NBN: variants seen among roughly 807,000 people sequenced by gnomAD.
NBN encodes the protein nibrin.
NBN carries 88 observed loss-of-function variants against 90.8 expected under a neutral mutation model. That is an observed-to-expected ratio of 0.97 (90% confidence interval 0.82 to 1.16). NBN has a LOEUF of 1.16. Ranked by LOEUF, NBN falls within the 50% of genes most tolerant of loss-of-function variation. NBN has a pLI of 0.00. For missense variants in NBN, 894 were observed against 869.6 expected (o/e 1.03, Z -0.35); for synonymous variants, 328 against 295.1 (o/e 1.11, Z -1.14).
At chr8:89,945,670 G>A (rs1420703582) in intron 13 of NBN, among the ~76,000 whole-genome samples, 2 of 152,090 alleles carry the variant, frequency 1.3e-5, no homozygotes, top group Non-Finnish European at 2.9e-5. Context: ...GTTCCTTAAT[G>A]AGCAGAAACT....
intron 9 of NBN, among the ~76,000 whole-genome samples, chr8:89,957,389 C>T (rs1018187169): frequency 2.0e-5 from 3 of 152,158 alleles, no homozygotes; most frequent in African/African-American, 7.2e-5. Context: ...TATTTTTGCA[C>T]AGCTATACAA....
intron 11 of NBN, among the ~76,000 whole-genome samples, chr8:89,950,283 A>ATGCTC: frequency 6.6e-6 from 1 of 152,346 alleles, no homozygotes; most frequent in East Asian, 1.9e-4. Flanking sequence ...CCCTGATAAA[A>ATGCTC]AAAAGCATAA....
At chr8:89,945,994 T>A in intron 13 of NBN, 146 bp downstream of exon 13, 1 of 620,542 alleles carries the variant, frequency 1.6e-6, no homozygotes, top group Admixed American at 2.9e-5. Context: ...TAAGTTCATA[T>A]CCTTCCTAGA....
intron 11 of NBN, among the ~76,000 whole-genome samples, chr8:89,950,954 C>A (rs1810416904): frequency 6.6e-6 from 1 of 151,966 alleles, no homozygotes; most frequent in African/African-American, 2.4e-5. Context: ...CAGACTAAAA[C>A]CACAACCATT....
intron 14 of NBN, among the ~76,000 whole-genome samples, chr8:89,940,194 T>G (rs1264937881): frequency 1.3e-5 from 2 of 152,174 alleles, no homozygotes; most frequent in East Asian, 3.8e-4. Context: ...CAAGCAATCT[T>G]CCCACCTCAG....
At position 89,934,503 on chromosome 8, in the gene NBN, G is replaced by A. The variant is rs1015678984; in HGVS notation, c.*1079C>T. ...GTTAATTTGGTTCTGGCAAGTAGAT[G>A]CACTTCCACAAGATTTGGAAGGTGA... On this transcript the variant is annotated 3_prime_UTR_variant, in exon 16 of 16. Coordinates refer to ENST00000265433, the MANE Select transcript of NBN (RefSeq NM_002485.5). The A allele has an allele frequency of 4.3e-5, 10 of 232,998 alleles. No individual in the cohort carries two copies. Among genetic ancestry groups the A allele is most frequent in the Non-Finnish European group, 5.9e-5 (7 of 117,982 alleles). 14.4% of individuals were successfully genotyped at this position (232,998 alleles called of 1,614,324 possible). A position where few individuals can be genotyped will look rare whatever the true frequency, so the allele number is the denominator to read the frequency against.
chr8:89,958,950 G>T (rs1331099508), intron 8 of NBN, 96 bp from the exon 9 acceptor site: 13 of 1,462,128 alleles, frequency 8.9e-6, no homozygotes, highest in Middle Eastern at 2.0e-4. Flanking sequence ...CATGCTGAGG[G>T]GATTAACTAG....
intron 9 of NBN, among the ~76,000 whole-genome samples, chr8:89,957,129 C>T (rs902066389): frequency 3.9e-5 from 6 of 152,118 alleles, no homozygotes; most frequent in Non-Finnish European, 5.9e-5. Context: ...AAAACAGTCT[C>T]AGGCAGTCCC....
rs76716460 is a variant in NBN, at chr8:89,975,978, G to A, written c.584+2242C>T. Among the ~76,000 whole-genome samples, 105 of 152,222 alleles carry A rather than the reference G, an allele frequency of 6.9e-4. No homozygotes were observed. The East Asian group carries it at 0.016, about 23-fold the overall frequency. On this transcript the variant is annotated intron_variant, in intron 5 of 15. Transcript: ENST00000265433. ...TACTATGCAAGTTTGTAGTTATGTC[G>A]GTGAAGTTTCTTGAGGTGAGATCAG...
intron 5 of NBN, among the ~76,000 whole-genome samples, chr8:89,972,900 G>A (rs1474856274): frequency 6.6e-6 from 1 of 152,180 alleles, no homozygotes; most frequent in Non-Finnish European, 1.5e-5. Flanking sequence ...AAACACTAAA[G>A]TTGAATGATT....
In NBN at chr8:89,953,423, C is replaced by A. The variant is rs771567358; in HGVS notation, c.1666G>T (p.Val556Leu). The A allele has an allele frequency of 6.2e-7, 1 of 1,613,872 alleles. No individual in the cohort carries two copies. Among genetic ancestry groups the A allele is most frequent in the African/African-American group, 1.3e-5 (1 of 75,046 alleles). Reference protein sequence around the residue: ...RSNKKREMDDVAIEDEVLEQL... With the variant: ...RSNKKREMDDLAIEDEVLEQL... Reference sequence around the variant, plus strand: ...TCCAATACTTCATCTTCTATGGCCACATCATCCATTTCCCTTTTTTTATTT... The same window carrying A: ...TCCAATACTTCATCTTCTATGGCCAAATCATCCATTTCCCTTTTTTTATTT... Residue 556 changes from valine (V) to leucine (L), a missense_variant, in exon 11 of 16, where the codon GTG becomes TTG. Val to Leu is a conservative substitution (Grantham distance 32). Transcript: ENST00000265433.
intron 14 of NBN, among the ~76,000 whole-genome samples, chr8:89,940,150 A>G (rs67277238): frequency 0.27 from 41,531 of 152,002 alleles, 5,843 homozygotes; most frequent in East Asian, 0.41. Flanking sequence ...CAGGGGCTCA[A>G]TCATGGCTCA....
At chr8:89,984,141 C>T (rs1315665031) in intron 1 of NBN, 4 of 366,044 alleles carry the variant, frequency 1.1e-5, no homozygotes, top group Admixed American at 4.2e-5. Context: ...TCATGTGTGG[C>T]CCCCGTGTGG....
intron 13 of NBN, 57 bp downstream of exon 13, chr8:89,946,083 G>T: frequency 7.8e-7 from 1 of 1,280,958 alleles, no homozygotes; most frequent in Non-Finnish European, 1.1e-6. Context: ...TAGCATCACT[G>T]GTATCTCTAA....
In NBN at chr8:89,934,163, T is replaced by C. The variant is rs1025129068; in HGVS notation, c.*1419A>G. 1 of 231,198 alleles carries C rather than the reference T, an allele frequency of 4.3e-6. No homozygotes were observed. The highest frequency in any genetic ancestry group is 8.6e-6 in the Non-Finnish European group (1 of 116,890). The allele number at this position is 231,198 out of a possible 1,614,324, so 14.3% of individuals were successfully genotyped here. On this transcript the variant is annotated 3_prime_UTR_variant, in exon 16 of 16. Transcript: ENST00000265433. ...AGACCATATGTTCCACCAGCTTCAC[T>C]TGGTAATTATGATACATGGCTATTA...
intron 11 of NBN, among the ~76,000 whole-genome samples, chr8:89,951,221 A>G (rs532803543): frequency 6.6e-6 from 1 of 150,394 alleles, no homozygotes; most frequent in Non-Finnish European, 1.5e-5. Context: ...CTGAGGCAGG[A>G]GAATGGCGTG....
intron 4 of NBN, among the ~76,000 whole-genome samples, chr8:89,979,588 C>T (rs1186875154): frequency 6.6e-6 from 1 of 151,858 alleles, no homozygotes; most frequent in Admixed American, 6.6e-5. Context: ...TCTTTAAATT[C>T]CTTTTTGGCT....
chr8:89,946,036 G>A (rs1273182445), intron 13 of NBN, 104 bp downstream of exon 13: 3 of 846,354 alleles, frequency 3.5e-6, no homozygotes, highest in Admixed American at 2.2e-5. Flanking sequence ...AGCAGAAGAA[G>A]TATCAGTTTT....
At chr8:89,946,523 C>G in intron 12 of NBN, 1 of 466,186 alleles carries the variant, frequency 2.1e-6, no homozygotes, top group Non-Finnish European at 3.8e-6. Context: ...ATAACATACT[C>G]ATCTGTGACA....
Sources: gnomAD v4.1 joint callset for allele counts (sites outside exome capture counted in the v4.1 genomes callset) on GRCh38, gnomAD v4.1.1 for gene constraint, MANE v1.5 for transcripts, NCBI Gene and HGNC (gene_info 2026-07-23, HGNC 2026-07-21) for gene names.